The following BTN3A2 variants were observed in gnomAD, a reference collection of about 807,000 sequenced individuals.
The protein encoded by BTN3A2 is butyrophilin protein.
A neutral mutation model predicts 37.6 loss-of-function variants in BTN3A2; 25 were observed. The observed-to-expected ratio is 0.66, with a 90% CI of 0.48 to 0.93. The LOEUF is 0.93. Among genes scored for constraint, BTN3A2 ranks in the 40% least tolerant of loss-of-function variants. The pLI is 0.00. For missense variants in BTN3A2, 266 were observed against 410.9 expected, an observed-to-expected ratio of 0.65 and a Z score of 3.05; for synonymous variants, 122 against 159.4, an observed-to-expected ratio of 0.77 and a Z score of 1.77.
intron 1 of BTN3A2, among the ~76,000 whole-genome samples, chr6:26,367,002 CACTT>C (rs761809699): frequency 6.6e-6 from 1 of 152,220 alleles, no homozygotes; most frequent in African/African-American, 2.4e-5. Flanking sequence ...TCCTTTCACT[CACTT>C]AACCTCCAAT....
chr6:26,368,124 T>A, intron 2 of BTN3A2, 54 bp from the exon 3 acceptor site: 1 of 1,606,614 alleles, frequency 6.2e-7, no homozygotes, highest in Non-Finnish European at 8.5e-7. Flanking sequence ...ATCCTAAAGC[T>A]TCTTCCAGGC....
intron 1 of BTN3A2, among the ~76,000 whole-genome samples, chr6:26,366,472 T>C (rs1762071674): frequency 6.6e-6 from 1 of 152,248 alleles, no homozygotes; most frequent in Non-Finnish European, 1.5e-5. Context: ...TTTATTCCTT[T>C]ATATTTTTTT....
intron 2 of BTN3A2, 46 bp from the exon 3 acceptor site, chr6:26,368,132 G>A: frequency 8.1e-6 from 13 of 1,607,772 alleles, no homozygotes; most frequent in Non-Finnish European, 1.1e-5. Context: ...GCTTCTTCCA[G>A]GCCATAGTGT....
At chr6:26,369,324 C>T (rs1271054313) in intron 4 of BTN3A2, among the ~76,000 whole-genome samples, 1 of 152,168 alleles carries the variant, frequency 6.6e-6, no homozygotes, top group African/African-American at 2.4e-5. Flanking sequence ...CAGTGTTCTC[C>T]AACTAGCCAT....
rs756209820 is a variant in BTN3A2 at position 26,368,423 on chromosome 6, C to G, written c.86-142C>G. Reference sequence around the variant, plus strand: ...TCCCAACCTGAAGGATCACCTGTCACAAAGAGACAAATGGTCCTTCTGTTA... The same window carrying G: ...TCCCAACCTGAAGGATCACCTGTCAGAAAGAGACAAATGGTCCTTCTGTTA... On this transcript the variant is annotated intron_variant, in intron 3 of 10. Coordinates refer to ENST00000377708, the MANE Select transcript of BTN3A2 (RefSeq NM_007047.5). 2.6e-6 allele frequency: 4 copies of G among 1,538,414 alleles called. No homozygotes were observed. The African/African-American group carries it at 5.5e-5, about 21-fold the overall frequency.
At chr6:26,374,555 C>A in intron 9 of BTN3A2, 182 bp downstream of exon 9, 2 of 849,704 alleles carry the variant, frequency 2.4e-6, no homozygotes, top group Non-Finnish European at 3.7e-6. Context: ...CTTGTAAAGC[C>A]TGGCCATGCA....
intron 1 of BTN3A2, 122 bp downstream of exon 1, chr6:26,365,474 C>CTG (rs55949951): frequency 0.13 from 72,135 of 543,488 alleles, 2,187 homozygotes; most frequent in African/African-American, 0.2. Context: ...GGTGCAGTGC[C>CTG]TGTGTGTGTG....
chr6:26,365,355 A>G lies in BTN3A2; in HGVS notation c.-67+3A>G, dbSNP rs1339089108. The G allele has an allele frequency of 6.5e-7, 1 of 1,536,132 alleles. No individual in the cohort carries two copies. Among genetic ancestry groups the G allele is most frequent in the Middle Eastern group, 1.7e-4 (1 of 5,992 alleles). On this transcript the variant is annotated splice_donor_region_variant and intron_variant, in intron 1 of 10. Transcript: ENST00000377708. The stretch of plus-strand genomic sequence containing the variant: ...TTCTCCAATGGGAATACCAAGGGGT[A>G]AGTGCAGGAAATTGATTAGAGCCTG...
In BTN3A2 at chr6:26,374,814, C is replaced by A. The variant is rs986622318; in HGVS notation, c.*34+16C>A. The A allele has an allele frequency of 4.0e-6, 6 of 1,514,718 alleles. No homozygotes were observed. In the African/African-American group the frequency reaches 8.3e-5, roughly 21 times the overall value. 93.8% of individuals were successfully genotyped at this position (1,514,718 alleles called of 1,614,324 possible). A position where few individuals can be genotyped will look rare whatever the true frequency, so the allele number is the denominator to read the frequency against. ...TTCAAGCCTGGTGAGTAAATCACTG[C>A]ATGTTCCCTGGACCAACAACCTGAG... On this transcript the variant is annotated intron_variant, in intron 10 of 10. Coordinates refer to ENST00000377708, the MANE Select transcript of BTN3A2 (RefSeq NM_007047.5).
chr6:26,367,393 G>A (rs1034791875), intron 1 of BTN3A2, among the ~76,000 whole-genome samples: 5 of 152,146 alleles, frequency 3.3e-5, no homozygotes, highest in Non-Finnish European at 7.4e-5. Flanking sequence ...TGGGCCAATT[G>A]TGAACATTCT....
In BTN3A2 at chr6:26,370,418, T is replaced by C. The variant is rs768133971; in HGVS notation, c.530T>C (p.Ile177Thr). 1.9e-6 allele frequency: 3 copies of C among 1,614,086 alleles called. No homozygotes were observed. In the Admixed American group the frequency reaches 5.0e-5, roughly 27 times the overall value. Residue 177 changes from isoleucine (I) to threonine (T), a missense_variant, in exon 5 of 11, where the codon ATA (isoleucine) becomes ACA (threonine). Transcript: ENST00000377708. ...RSTGWYPQPQ[I>T]QWSNAKGENI... is the part of the protein sequence containing the mutation. ...ACCGGCTGGTACCCCCAACCCCAAA[T>C]ACAGTGGAGCAACGCCAAGGGAGAG...
At position 26,368,281 on chromosome 6, in the gene BTN3A2, C is replaced by A. The variant is rs1581538364; in HGVS notation, c.85+14C>A. 18 of 1,612,290 alleles carry A rather than the reference C, an allele frequency of 1.1e-5. No individual in the cohort carries two copies. The African/African-American group carries it at 1.6e-4, about 14-fold the overall frequency. ...CTCCTTGCTCAGGTAGGGAATGATT[C>A]CATGATTCCACATTTATGTTTCTGA... On this transcript the variant is annotated intron_variant, in intron 3 of 10. Coordinates refer to ENST00000377708, the MANE Select transcript of BTN3A2 (RefSeq NM_007047.5).
upstream of BTN3A2, chr6:26,365,196 G>A (rs1183965173): frequency 3.7e-6 from 4 of 1,078,718 alleles, no homozygotes; most frequent in Admixed American, 9.7e-5. Flanking sequence ...CTTCCAAAGA[G>A]CGACTCTTAC....
In BTN3A2 at chr6:26,376,034, G is replaced by C; in HGVS notation, c.*272G>C. ...ATCCTGGCTAACACGGTGAAACCCCGTCTCTACTAAAAATACAAAAAATAA... is the reference window on the plus strand; with the variant it reads ...ATCCTGGCTAACACGGTGAAACCCCCTCTCTACTAAAAATACAAAAAATAA... On this transcript the variant is annotated 3_prime_UTR_variant, in exon 11 of 11. Coordinates refer to ENST00000377708, the MANE Select transcript of BTN3A2 (RefSeq NM_007047.5). The C allele has an allele frequency of 5.7e-6, 3 of 528,174 alleles. No homozygotes were observed. Among genetic ancestry groups the C allele is most frequent in the Admixed American group, 3.6e-5 (1 of 27,918 alleles). The allele number at this position is 528,174 out of a possible 1,614,324, so 32.7% of individuals were successfully genotyped here.
intron 1 of BTN3A2, among the ~76,000 whole-genome samples, chr6:26,365,765 TGAA>T (rs892750039): frequency 4.7e-4 from 72 of 152,284 alleles, no homozygotes; most frequent in African/African-American, 1.4e-3. Context: ...TGAGAAATTC[TGAA>T]GAAGAAGAAG....
Position 26,377,161 on chromosome 6 carries a change from C to T in BTN3A2, c.*1399C>T. On this transcript the variant is annotated 3_prime_UTR_variant, in exon 11 of 11. Coordinates refer to ENST00000377708, the MANE Select transcript of BTN3A2 (RefSeq NM_007047.5). Reference sequence around the variant, plus strand: ...GATCATTCCCTGGAGATACCACTGACCCCAGGCTTAGCTAATGAAAGTGGG... The same window carrying T: ...GATCATTCCCTGGAGATACCACTGATCCCAGGCTTAGCTAATGAAAGTGGG... 1 of 1,266,840 alleles carries T rather than the reference C, an allele frequency of 7.9e-7. No individual in the cohort carries two copies. The highest frequency in any genetic ancestry group is 1.5e-5 in the African/African-American group (1 of 68,580). The allele number at this position is 1,266,840 out of a possible 1,614,324, so 78.5% of individuals were successfully genotyped here.
At position 26,368,735 on chromosome 6, in the gene BTN3A2, G is replaced by C. The variant is rs578036874; in HGVS notation, c.256G>C (p.Glu86Gln). The C allele has an allele frequency of 6.2e-7, 1 of 1,613,682 alleles. No individual in the cohort carries two copies. Residue 86 changes from glutamate (E) to glutamine (Q), a missense_variant, in exon 4 of 11, where the codon GAA becomes CAA. Glu to Gln is a conservative substitution (Grantham distance 29). Coordinates refer to ENST00000377708, the MANE Select transcript of BTN3A2 (RefSeq NM_007047.5). ...VNVYADGKEV[E>Q]DRQSAPYRGR... The stretch of plus-strand genomic sequence containing the variant: ...CGTGTATGCAGATGGAAAGGAAGTG[G>C]AAGACAGGCAGAGTGCACCGTATCG...
Position 26,377,400 on chromosome 6 carries a change from A to G in BTN3A2, c.*1638A>G. On this transcript the variant is annotated 3_prime_UTR_variant, in exon 11 of 11. Transcript: ENST00000377708. ...AGATAAGGAAACTGGGGTGTAGAAA[A>G]GTGTATTGACTTTACAAAGCAGACA... is the stretch of plus-strand genomic sequence containing the variant. 1 of 509,130 alleles carries G rather than the reference A, an allele frequency of 2.0e-6. No individual in the cohort carries two copies. Among genetic ancestry groups the G allele is most frequent in the Non-Finnish European group, 3.6e-6 (1 of 279,126 alleles). 31.5% of individuals were successfully genotyped at this position (509,130 alleles called of 1,614,324 possible).
At position 26,372,778 on chromosome 6, in the gene BTN3A2, A is replaced by T; in HGVS notation, c.716-119A>T. On this transcript the variant is annotated intron_variant, in intron 5 of 10. Transcript: ENST00000377708. ...GACTTTAGGGAGAGAATCCTTATTT[A>T]ACCTCATGAGATAGATTCCCCACCC... 5.9e-6 allele frequency: 7 copies of T among 1,195,110 alleles called. No individual in the cohort carries two copies. In the South Asian group the frequency reaches 5.9e-5, roughly 10 times the overall value. 74.0% of individuals were successfully genotyped at this position (1,195,110 alleles called of 1,614,324 possible).
Sources: allele counts gnomAD v4.1 joint callset (sites outside exome capture counted in the v4.1 genomes callset), GRCh38; gene constraint gnomAD v4.1.1; transcripts MANE v1.5; gene names NCBI Gene and HGNC (gene_info 2026-07-23, HGNC 2026-07-21).